Variants in DPP6 observed in about 807,000 individuals in gnomAD.
DPP6 encodes the protein A-type potassium channel modulatory protein DPP6.
In DPP6, 69 loss-of-function variants were observed where a neutral mutation model predicts 122.6. The ratio of observed to expected loss-of-function variants is 0.56; its 90% CI spans 0.46 to 0.69. DPP6 has a LOEUF of 0.69. DPP6 is among the 30% of genes least tolerant of loss of function. The pLI is 0.00. For missense variants in DPP6, 928 were observed against 1,116.9 expected (o/e 0.83, Z 2.41); for synonymous variants, 418 against 433.1 (o/e 0.97, Z 0.43).
chr7:154,307,742 C>G (rs1403474121), intron 1 of DPP6, among the ~76,000 whole-genome samples: 1 of 152,082 alleles, frequency 6.6e-6, no homozygotes, highest in Non-Finnish European at 1.5e-5. Context: ...CTGCAGAACT[C>G]TTAATGAGTT....
chr7:154,137,324 T>G (rs1016964072), intron 1 of DPP6, among the ~76,000 whole-genome samples: 1 of 151,906 alleles, frequency 6.6e-6, no homozygotes, highest in African/African-American at 2.4e-5. Flanking sequence ...ATCCATCTGT[T>G]TCTCCACTGC....
intron 2 of DPP6, among the ~76,000 whole-genome samples, chr7:154,455,135 A>G (rs1258789894): frequency 6.6e-6 from 1 of 152,204 alleles, no homozygotes; most frequent in Non-Finnish European, 1.5e-5. Flanking sequence ...GCCCACACGC[A>G]CAGGAAGGGA....
chr7:154,691,274 G>A (rs572189027), intron 7 of DPP6, among the ~76,000 whole-genome samples: 18 of 152,236 alleles, frequency 1.2e-4, no homozygotes, highest in East Asian at 3.9e-4. Flanking sequence ...TCTGTTTTCC[G>A]ATGAGGAGCA....
chr7:153,900,458 G>A (rs181881884), intron 1 of DPP6, among the ~76,000 whole-genome samples: 2 of 152,304 alleles, frequency 1.3e-5, no homozygotes, highest in Admixed American at 1.3e-4. Context: ...TTCTGGTGAA[G>A]TCCTCAAGCT....
At chr7:153,923,410 AT>A (rs1292348782) in intron 1 of DPP6, among the ~76,000 whole-genome samples, 1 of 152,082 alleles carries the variant, frequency 6.6e-6, no homozygotes, top group Non-Finnish European at 1.5e-5. Context: ...GATGGATTAA[AT>A]TTCCCCTTTC....
At chr7:153,762,532 A>G in the DPP6 span, among the ~76,000 whole-genome samples, 1 of 152,010 alleles carries the variant, frequency 6.6e-6, no homozygotes, top group African/African-American at 2.4e-5. Context: ...GCACTTTGGG[A>G]GGCCAAGGCG....
intron 5 of DPP6, among the ~76,000 whole-genome samples, chr7:154,620,709 G>A (rs971919934): frequency 2.0e-5 from 3 of 152,178 alleles, no homozygotes; most frequent in Admixed American, 6.5e-5. Context: ...CGACGTCCCC[G>A]TCAGCAAGTA....
intron 3 of DPP6, among the ~76,000 whole-genome samples, chr7:154,508,892 CTT>C (rs1209011975): frequency 6.6e-6 from 1 of 152,080 alleles, no homozygotes; most frequent in Non-Finnish European, 1.5e-5. Context: ...ATGTTAATAT[CTT>C]TTTTTACAAA....
the DPP6 span, among the ~76,000 whole-genome samples, chr7:153,799,657 T>C: frequency 6.6e-6 from 1 of 152,312 alleles, no homozygotes; most frequent in East Asian, 1.9e-4. Flanking sequence ...GTAGCAAGCT[T>C]AGTTCTGCAA....
chr7:153,865,778 A>G, the DPP6 span, among the ~76,000 whole-genome samples: 42 of 149,740 alleles, frequency 2.8e-4, no homozygotes, highest in African/African-American at 1.0e-3. Context: ...CATTAGGTAT[A>G]TCTCCTAATG....
At chr7:153,905,196 A>G (rs1488422626) in intron 1 of DPP6, among the ~76,000 whole-genome samples, 1 of 152,180 alleles carries the variant, frequency 6.6e-6, no homozygotes, top group Non-Finnish European at 1.5e-5. Context: ...TTTACACAGA[A>G]AGGTGGGGAA....
intron 1 of DPP6, among the ~76,000 whole-genome samples, chr7:154,288,019 C>A (rs2150960560): frequency 6.6e-6 from 1 of 152,346 alleles, no homozygotes; most frequent in East Asian, 1.9e-4. Flanking sequence ...AGGAATGAGA[C>A]ATATGTGTCC....
the DPP6 span, among the ~76,000 whole-genome samples, chr7:153,783,376 A>C: frequency 1.3e-5 from 2 of 152,110 alleles, no homozygotes; most frequent in Admixed American, 6.5e-5. Flanking sequence ...CAAACATCAG[A>C]TCTCATGAGC....
chr7:154,537,371 G>A (rs1257351346), intron 3 of DPP6, among the ~76,000 whole-genome samples: 1 of 152,126 alleles, frequency 6.6e-6, no homozygotes, highest in Non-Finnish European at 1.5e-5. Flanking sequence ...CCACTGTATT[G>A]GAAGATAGTA....
At chr7:154,811,326 G>T (rs893102055) in intron 16 of DPP6, among the ~76,000 whole-genome samples, 1 of 152,202 alleles carries the variant, frequency 6.6e-6, no homozygotes, top group Non-Finnish European at 1.5e-5. Context: ...AGACCCTGAA[G>T]CTGAGCCTCG....
upstream of DPP6, among the ~76,000 whole-genome samples, chr7:153,883,005 GAACA>G (rs1470161847): frequency 2.0e-5 from 3 of 152,164 alleles, no homozygotes; most frequent in South Asian, 2.1e-4. Context: ...TGATCTGGGT[GAACA>G]AACAAACAAA....
At chr7:154,363,717 A>C (rs755240667) in intron 1 of DPP6, among the ~76,000 whole-genome samples, 4 of 152,198 alleles carry the variant, frequency 2.6e-5, no homozygotes, top group Non-Finnish European at 5.9e-5. Flanking sequence ...TTTAATATAA[A>C]TGCTTTCATT....
intron 1 of DPP6, among the ~76,000 whole-genome samples, chr7:154,127,457 C>A (rs1807969376): frequency 6.6e-6 from 1 of 152,160 alleles, no homozygotes; most frequent in African/African-American, 2.4e-5. Context: ...ACGGCCCTCA[C>A]TAACTTGGAG....
intron 1 of DPP6, among the ~76,000 whole-genome samples, chr7:154,330,818 C>G (rs1408656255): frequency 6.6e-6 from 1 of 152,180 alleles, no homozygotes; most frequent in African/African-American, 2.4e-5. Context: ...TGAAGTTGGA[C>G]AAATGCATCT....
Sources: allele counts gnomAD v4.1 joint callset (sites outside exome capture counted in the v4.1 genomes callset), GRCh38; gene constraint gnomAD v4.1.1; transcripts MANE v1.5; gene names NCBI Gene and HGNC (gene_info 2026-07-23, HGNC 2026-07-21).